The following NEGR1 variants were observed in gnomAD, a reference collection of about 807,000 sequenced individuals.
NEGR1 encodes the protein neuronal growth regulator 1.
In NEGR1, 10 loss-of-function variants were observed where a neutral mutation model predicts 40.9. The observed-to-expected ratio is 0.24, with a 90% CI of 0.15 to 0.42. NEGR1 has a LOEUF of 0.42. Among genes scored for constraint, NEGR1 ranks in the 10% least tolerant of loss-of-function variants. The pLI is 1.00. For synonymous variants in NEGR1, 185 were observed against 166.8 expected (o/e 1.11, Z -0.84); for missense variants, 352 against 438.9 (o/e 0.80, Z 1.77).
Position 71,779,566 on chromosome 1 carries a change from CTT to C in NEGR1, c.410-3271_410-3270del, listed in dbSNP as rs59637200. 4.1e-3 allele frequency among the ~76,000 whole-genome samples: 616 copies of C among 149,956 alleles called. 1 individual carries two copies. Among genetic ancestry groups the C allele is most frequent in the African/African-American group, 0.013 (521 of 40,840 alleles). ...GCAGACTATTTATAATAGATAAAAACTTTTTTTTTTTCTTTTTTTGACAGAGT... is the reference window on the plus strand; with the variant it reads ...GCAGACTATTTATAATAGATAAAAACTTTTTTTTTCTTTTTTTGACAGAGT... On this transcript the variant is annotated intron_variant, in intron 2 of 6. Coordinates refer to ENST00000357731, the MANE Select transcript of NEGR1 (RefSeq NM_173808.3).
At chr1:71,743,637 T>C (rs944874047) in intron 3 of NEGR1, among the ~76,000 whole-genome samples, 1 of 152,188 alleles carries the variant, frequency 6.6e-6, no homozygotes, top group Admixed American at 6.5e-5. Flanking sequence ...GGCTCTCTAA[T>C]AGGGCCCTAA....
At chr1:72,186,864 T>C (rs1652630440) in intron 1 of NEGR1, among the ~76,000 whole-genome samples, 1 of 151,654 alleles carries the variant, frequency 6.6e-6, no homozygotes, top group Admixed American at 6.6e-5. Flanking sequence ...ATCAGTCTTC[T>C]GACAGGATAC....
chr1:72,279,434 T>C (rs1656170866), intron 1 of NEGR1, among the ~76,000 whole-genome samples: 1 of 152,120 alleles, frequency 6.6e-6, no homozygotes, highest in Non-Finnish European at 1.5e-5. Context: ...TATGCCACTA[T>C]TTGTTTTTTA....
chr1:72,255,547 CTTTTTTTT>C (rs35452808), intron 1 of NEGR1, among the ~76,000 whole-genome samples: 3 of 125,354 alleles, frequency 2.4e-5, no homozygotes, highest in African/African-American at 8.4e-5. Context: ...AAAAATACTT[CTTTTTTTT>C]TTTTTTTTTT....
Position 71,843,056 on chromosome 1 carries a change from A to G in NEGR1, c.410-66759T>C, listed in dbSNP as rs567837737. Among the ~76,000 whole-genome samples the G allele has an allele frequency of 3.9e-5, 6 of 152,224 alleles. No homozygotes were observed. The South Asian group carries it at 8.3e-4, about 21-fold the overall frequency. On this transcript the variant is annotated intron_variant, in intron 2 of 6. Transcript: ENST00000357731. ...TGAAATTATTTTACATTTTTAAGGG[A>G]AAGTAATCATGGCATTGCCTCAAGT...
At chr1:71,427,015 T>G (rs1646433111) in intron 6 of NEGR1, among the ~76,000 whole-genome samples, 1 of 152,200 alleles carries the variant, frequency 6.6e-6, no homozygotes, top group African/African-American at 2.4e-5. Context: ...CTTTCACTGT[T>G]TCTTACCCTC....
At chr1:71,688,303 C>T (rs1334905216) in intron 4 of NEGR1, among the ~76,000 whole-genome samples, 10 of 33,638 alleles carry the variant, frequency 3.0e-4, no homozygotes, top group Admixed American at 9.8e-4. Flanking sequence ...GAGGAGTTTC[C>T]CTTTTCATAT....
chr1:71,790,534 G>T (rs1657078044), intron 2 of NEGR1, among the ~76,000 whole-genome samples: 1 of 151,950 alleles, frequency 6.6e-6, no homozygotes, highest in Non-Finnish European at 1.5e-5. Context: ...TATAAAAAAT[G>T]CAAGGAAGGA....
intron 1 of NEGR1, among the ~76,000 whole-genome samples, chr1:71,935,809 C>A (rs1256616160): frequency 6.6e-6 from 1 of 151,860 alleles, no homozygotes; most frequent in Non-Finnish European, 1.5e-5. Context: ...TTGTTTCTTT[C>A]TTTATTTGAG....
intron 3 of NEGR1, among the ~76,000 whole-genome samples, chr1:71,740,930 G>T (rs1045962906): frequency 6.6e-6 from 1 of 152,190 alleles, no homozygotes; most frequent in East Asian, 1.9e-4. Flanking sequence ...ATTTGGTCAG[G>T]CTCCTGCTTT....
chr1:71,751,714 T>G (rs867829171), intron 3 of NEGR1, among the ~76,000 whole-genome samples: 2 of 148,430 alleles, frequency 1.3e-5, no homozygotes, highest in South Asian at 4.3e-4. Context: ...AAGCTACCTT[T>G]CCAAAAAAAA....
At chr1:72,113,504 A>T (rs976644907) in intron 1 of NEGR1, among the ~76,000 whole-genome samples, 2 of 151,392 alleles carry the variant, frequency 1.3e-5, no homozygotes, top group African/African-American at 4.8e-5. Context: ...AGAAATATAT[A>T]TGTTTAGAAA....
At chr1:71,569,442 T>C (rs1226683509) in intron 6 of NEGR1, among the ~76,000 whole-genome samples, 1 of 152,106 alleles carries the variant, frequency 6.6e-6, no homozygotes, top group African/African-American at 2.4e-5. Context: ...AAAACTCTAT[T>C]TGAGCAGTTA....
rs565572358 is a variant in NEGR1 at position 71,917,511 on chromosome 1, A to G, written c.409+17568T>C. Among the ~76,000 whole-genome samples, 4 of 152,228 alleles carry G rather than the reference A, an allele frequency of 2.6e-5. No homozygotes were observed. In the South Asian group the frequency reaches 6.2e-4, roughly 24 times the overall value. ...CATGCAAATGTAAAGAGTAAGTCGG[A>G]CGGGTGCGGTGGCTCATGCTTGTAA... is the stretch of plus-strand genomic sequence containing the variant. On this transcript the variant is annotated intron_variant, in intron 2 of 6. Transcript: ENST00000357731.
At chr1:71,798,039 A>C (rs1182917981) in intron 2 of NEGR1, 3 of 152,206 alleles carry the variant, frequency 2.0e-5, no homozygotes, top group East Asian at 1.9e-4. Context: ...AACAGATGGC[A>C]GATATTAAAG....
intron 1 of NEGR1, among the ~76,000 whole-genome samples, chr1:72,179,517 C>T (rs1217785772): frequency 2.6e-5 from 4 of 152,062 alleles, no homozygotes; most frequent in Non-Finnish European, 5.9e-5. Flanking sequence ...GTGCCTAGCA[C>T]ACTGTATGTG....
intron 1 of NEGR1, among the ~76,000 whole-genome samples, chr1:72,010,190 C>T (rs1038871645): frequency 1.4e-4 from 21 of 151,754 alleles, no homozygotes; most frequent in African/African-American, 4.6e-4. Context: ...TGGGGCGGGG[C>T]GGGGGAATCA....
intron 4 of NEGR1, among the ~76,000 whole-genome samples, chr1:71,635,929 A>C (rs1651133399): frequency 6.6e-6 from 1 of 152,030 alleles, no homozygotes; most frequent in Admixed American, 6.6e-5. Context: ...ATCTGGGATA[A>C]CTATCATTTT....
intron 6 of NEGR1, among the ~76,000 whole-genome samples, chr1:71,485,346 C>A (rs1036064449): frequency 4.0e-5 from 6 of 151,424 alleles, no homozygotes; most frequent in Non-Finnish European, 7.4e-5. Context: ...TTCCCATATA[C>A]CCCCTTATCC....
Sources: allele counts gnomAD v4.1 joint callset (sites outside exome capture counted in the v4.1 genomes callset), GRCh38; gene constraint gnomAD v4.1.1; transcripts MANE v1.5; gene names NCBI Gene and HGNC (gene_info 2026-07-23, HGNC 2026-07-21).